Variants in HTR1F observed in about 807,000 individuals in gnomAD.
The protein encoded by HTR1F is 5-hydroxytryptamine receptor 1F, also known as 5-hydroxytryptamine (serotonin) receptor 1F, G protein-coupled.
HTR1F carries 17 observed loss-of-function variants against 24.0 expected under a neutral mutation model. The ratio of observed to expected loss-of-function variants is 0.71; its 90% CI spans 0.48 to 1.06. HTR1F has a LOEUF of 1.06. Ranked by LOEUF, HTR1F falls within the 50% of genes least tolerant of loss-of-function variation. The pLI is 0.00. For synonymous variants in HTR1F, 186 were observed against 156.8 expected, an observed-to-expected ratio of 1.19 and a Z score of -1.39; for missense variants, 391 against 427.8, an observed-to-expected ratio of 0.91 and a Z score of 0.76.
At chr3:87,850,119 A>C (rs1433738635) in intron 2 of HTR1F, among the ~76,000 whole-genome samples, 1 of 152,008 alleles carries the variant, frequency 6.6e-6, no homozygotes, top group African/African-American at 2.4e-5. Context: ...TATATACCCA[A>C]AGGATTATAA....
At chr3:87,847,162 T>C (rs917835032) in intron 2 of HTR1F, among the ~76,000 whole-genome samples, 4 of 151,786 alleles carry the variant, frequency 2.6e-5, no homozygotes, top group African/African-American at 4.9e-5. Flanking sequence ...AATTAAAAGA[T>C]TGATGAACTA....
chr3:87,988,692 C>T (rs1267874390), intron 2 of HTR1F, among the ~76,000 whole-genome samples: 2 of 151,790 alleles, frequency 1.3e-5, no homozygotes, highest in Non-Finnish European at 2.9e-5. Context: ...CAAGCACCTC[C>T]GAAGTAGCTG....
At chr3:87,921,229 C>T (rs1704006622) in intron 2 of HTR1F, among the ~76,000 whole-genome samples, 1 of 152,078 alleles carries the variant, frequency 6.6e-6, no homozygotes, top group African/African-American at 2.4e-5. Flanking sequence ...CATAATTGAA[C>T]ATGACAGGGC....
At chr3:87,973,960 A>T (rs1559654046) in intron 2 of HTR1F, among the ~76,000 whole-genome samples, 1 of 152,224 alleles carries the variant, frequency 6.6e-6, no homozygotes. Context: ...CACCATGGCC[A>T]GGTATGAACA....
At chr3:87,817,971 C>T (rs945438389) in intron 1 of HTR1F, among the ~76,000 whole-genome samples, 6 of 152,032 alleles carry the variant, frequency 3.9e-5, no homozygotes, top group Admixed American at 1.3e-4. Context: ...AAACTGATAA[C>T]CTTCAGAAAT....
chr3:87,914,080 G>A (rs1331718145), intron 2 of HTR1F, among the ~76,000 whole-genome samples: 1 of 152,072 alleles, frequency 6.6e-6, no homozygotes, highest in Non-Finnish European at 1.5e-5. Context: ...AAAGGGAGAT[G>A]GTCCAGGAAG....
chr3:87,937,510 T>C (rs796369066), intron 2 of HTR1F, among the ~76,000 whole-genome samples: 5 of 152,222 alleles, frequency 3.3e-5, no homozygotes, highest in African/African-American at 1.2e-4. Flanking sequence ...GCCAACATCA[T>C]ACCAAATGGG....
intron 2 of HTR1F, among the ~76,000 whole-genome samples, chr3:87,930,653 A>G (rs1576046534): frequency 6.6e-6 from 1 of 152,120 alleles, no homozygotes; most frequent in African/African-American, 2.4e-5. Context: ...ATTATGGTGA[A>G]TAAACTTTTT....
Position 87,992,195 on chromosome 3 carries a change from T to C in HTR1F, c.*345T>C, listed in dbSNP as rs965587484. On this transcript the variant is annotated 3_prime_UTR_variant, in exon 3 of 3. Coordinates refer to ENST00000319595, the MANE Select transcript of HTR1F (RefSeq NM_001322209.2). Reference sequence around the variant, plus strand: ...CAATAATTATAGAGGAGTTTTCAATTAACAACATACCTCCCTCCATAATTT... The same window carrying C: ...CAATAATTATAGAGGAGTTTTCAATCAACAACATACCTCCCTCCATAATTT... 1 of 170,164 alleles carries C rather than the reference T, an allele frequency of 5.9e-6. No individual in the cohort carries two copies. Among genetic ancestry groups the C allele is most frequent in the Non-Finnish European group, 1.4e-5 (1 of 70,388 alleles). 10.5% of individuals were successfully genotyped at this position (170,164 alleles called of 1,614,324 possible). A position where few individuals can be genotyped will look rare whatever the true frequency, so the allele number is the denominator to read the frequency against.
chr3:87,830,924 T>C (rs1021567060), intron 2 of HTR1F, among the ~76,000 whole-genome samples: 2 of 152,210 alleles, frequency 1.3e-5, no homozygotes, highest in Non-Finnish European at 1.5e-5. Context: ...GTATTGATAT[T>C]TGAAGTAGAA....
chr3:87,925,619 C>T (rs1704107240), intron 2 of HTR1F, among the ~76,000 whole-genome samples: 1 of 152,114 alleles, frequency 6.6e-6, no homozygotes, highest in Non-Finnish European at 1.5e-5. Flanking sequence ...TAAAGTCATG[C>T]CATAGTAGTT....
rs1454372098 is a variant in HTR1F, at chr3:87,822,014, T to C, written c.-153T>C. ...TATTCTTTGCTTTTTTAAGGAGGAG[T>C]TTGGGAGAGAATGAATTGGACTGTG... On this transcript the variant is annotated 5_prime_UTR_variant, in exon 2 of 3. Transcript: ENST00000319595. Among the ~76,000 whole-genome samples the C allele has an allele frequency of 1.3e-5, 2 of 151,754 alleles. No individual in the cohort carries two copies. Among genetic ancestry groups the C allele is most frequent in the Non-Finnish European group, 2.9e-5 (2 of 67,940 alleles).
chr3:87,905,458 A>T (rs902307593), intron 2 of HTR1F, among the ~76,000 whole-genome samples: 6 of 152,102 alleles, frequency 3.9e-5, no homozygotes, highest in Non-Finnish European at 8.8e-5. Context: ...TTTAAAATGT[A>T]TACATTTTCT....
At chr3:87,932,609 G>T (rs1227866069) in intron 2 of HTR1F, among the ~76,000 whole-genome samples, 1 of 152,062 alleles carries the variant, frequency 6.6e-6, no homozygotes, top group Non-Finnish European at 1.5e-5. Context: ...GATGGGGATG[G>T]CAAAAAATTC....
chr3:87,869,938 A>G (rs1211252857), intron 2 of HTR1F, among the ~76,000 whole-genome samples: 6 of 152,256 alleles, frequency 3.9e-5, no homozygotes, highest in African/African-American at 1.2e-4. Context: ...TAATTATCAC[A>G]TTTGATAAAA....
intron 2 of HTR1F, among the ~76,000 whole-genome samples, chr3:87,935,717 C>T (rs1298102622): frequency 1.3e-5 from 2 of 151,980 alleles, no homozygotes; most frequent in Non-Finnish European, 2.9e-5. Flanking sequence ...ATTCTGAAAT[C>T]ATAAAATTAT....
chr3:87,855,885 C>T (rs182122915), intron 2 of HTR1F, among the ~76,000 whole-genome samples: 8 of 152,114 alleles, frequency 5.3e-5, no homozygotes, highest in African/African-American at 1.7e-4. Flanking sequence ...GATTAACTCT[C>T]GCAGTATCAC....
intron 2 of HTR1F, among the ~76,000 whole-genome samples, chr3:87,824,068 T>C (rs1432480151): frequency 6.6e-6 from 1 of 151,412 alleles, no homozygotes; most frequent in African/African-American, 2.4e-5. Context: ...AGCTAACATA[T>C]GCAGAAGTCT....
intron 1 of HTR1F, among the ~76,000 whole-genome samples, chr3:87,813,695 A>G (rs1304722300): frequency 6.6e-6 from 1 of 152,120 alleles, no homozygotes; most frequent in Non-Finnish European, 1.5e-5. Context: ...AGTAATACTC[A>G]CATGTCGAGA....
Sources: gnomAD v4.1 joint callset for allele counts (sites outside exome capture counted in the v4.1 genomes callset) on GRCh38, gnomAD v4.1.1 for gene constraint, MANE v1.5 for transcripts, NCBI Gene and HGNC (gene_info 2026-07-23, HGNC 2026-07-21) for gene names.